PRSS21: variants seen among roughly 807,000 people sequenced by gnomAD.
PRSS21 encodes the protein testisin.
In PRSS21, 40 loss-of-function variants were observed where a neutral mutation model predicts 31.1. That is an observed-to-expected ratio of 1.29 (90% CI 1.00 to 1.68). The LOEUF is 1.68. PRSS21 is among the 40% of genes most tolerant of loss of function. The probability of loss-of-function intolerance (pLI) is 0.00; values close to 1 mark genes in which losing one functional copy is unlikely to be tolerated. For synonymous variants in PRSS21, 186 were observed against 167.7 expected, an observed-to-expected ratio of 1.11 and a Z score of -0.84; for missense variants, 467 against 412.6, an observed-to-expected ratio of 1.13 and a Z score of -1.14.
intron 3 of PRSS21, 107 bp downstream of exon 3, chr16:2,818,073 T>C (rs1261584090): frequency 4.4e-6 from 6 of 1,369,604 alleles, no homozygotes; most frequent in Non-Finnish European, 2.0e-6. Flanking sequence ...GGCGTGAAAG[T>C]TGTGCGTGGA....
intron 3 of PRSS21, 89 bp from the exon 4 acceptor site, chr16:2,818,588 C>G (rs2069118271): frequency 1.5e-6 from 2 of 1,341,732 alleles, no homozygotes; most frequent in Admixed American, 1.9e-5. Flanking sequence ...AGCAACACCA[C>G]AGTTTCCCCT....
rs1156378432 is a variant in PRSS21 at position 2,818,826 on chromosome 16, A to G, written c.407A>G (p.Tyr136Cys). The G allele has an allele frequency of 1.2e-6, 2 of 1,613,734 alleles. No homozygotes were observed. Among genetic ancestry groups the G allele is most frequent in the Admixed American group, 1.7e-5 (1 of 60,020 alleles). The change falls in exon 4 of 6, where the codon TAT becomes TGT. Residue 136 changes from tyrosine to cysteine, a missense_variant. By Grantham distance (194) the Tyr-to-Cys change is radical. Transcript: ENST00000005995. ...LSPRYLGNSP[Y>C]DIALVKLSAP... The stretch of plus-strand genomic sequence containing the variant: ...CCTCGCTACCTGGGGAATTCACCCT[A>G]TGACATTGCCTTGGTGAAGCTGTCT...
chr16:2,818,853 C>T lies in PRSS21; in HGVS notation c.434C>T (p.Ala145Val). 6.2e-7 allele frequency: 1 copy of T among 1,613,944 alleles called. No individual in the cohort carries two copies. The highest frequency in any genetic ancestry group is 1.1e-5 in the South Asian group (1 of 91,080). ...PYDIALVKLS[A>V]PVTYTKHIQP... is the part of the protein sequence containing the mutation. Reference sequence around the variant, plus strand: ...GACATTGCCTTGGTGAAGCTGTCTGCACCTGTCACCTACACTAAACACATC... The same window carrying T: ...GACATTGCCTTGGTGAAGCTGTCTGTACCTGTCACCTACACTAAACACATC... The change falls in exon 4 of 6, where the codon GCA becomes GTA. Residue 145 changes from alanine to valine, a missense_variant. By Grantham distance (64) the Ala-to-Val change is moderately conservative. Coordinates refer to ENST00000005995, the MANE Select transcript of PRSS21 (RefSeq NM_006799.4).
At chr16:2,819,123 C>G (rs1447204907) in intron 4 of PRSS21, among the ~76,000 whole-genome samples, 154 bp downstream of exon 4, 2 of 152,212 alleles carry the variant, frequency 1.3e-5, no homozygotes, top group African/African-American at 4.8e-5. Flanking sequence ...ACCAAACACC[C>G]AGTTCTCTCC....
rs770255285 is a variant in PRSS21, at chr16:2,818,834, G to A, written c.415G>A (p.Ala139Thr). The A allele has an allele frequency of 5.0e-6, 8 of 1,613,690 alleles. No individual in the cohort carries two copies. Among genetic ancestry groups the A allele is most frequent in the Non-Finnish European group, 1.7e-6 (2 of 1,179,714 alleles). Reference sequence around the variant, plus strand: ...CCTGGGGAATTCACCCTATGACATTGCCTTGGTGAAGCTGTCTGCACCTGT... The same window carrying A: ...CCTGGGGAATTCACCCTATGACATTACCTTGGTGAAGCTGTCTGCACCTGT... ...RYLGNSPYDI[A>T]LVKLSAPVTY... Residue 139 changes from alanine to threonine, a missense_variant, in exon 4 of 6, where the codon GCC (alanine) becomes ACC (threonine). Ala to Thr is a moderately conservative substitution (Grantham distance 58). Transcript: ENST00000005995.
chr16:2,818,789 A>C lies in PRSS21; in HGVS notation c.370A>C (p.Ile124Leu), dbSNP rs753789399. Residue 124 changes from isoleucine (I) to leucine (L), a missense_variant, in exon 4 of 6, where the codon ATC becomes CTC. By Grantham distance (5) the Ile-to-Leu change is conservative (BLOSUM62 2). Transcript: ENST00000005995. ...AYYTRYFVSN[I>L]YLSPRYLGNS... ...CTACACCCGTTACTTCGTATCGAAT[A>C]TCTATCTGAGCCCTCGCTACCTGGG... is the stretch of plus-strand genomic sequence containing the variant. 1.5e-5 allele frequency: 25 copies of C among 1,613,424 alleles called. No individual in the cohort carries two copies. The highest frequency in any genetic ancestry group is 2.0e-5 in the Non-Finnish European group (23 of 1,179,468).
chr16:2,821,175 C>A, intron 5 of PRSS21, 66 bp downstream of exon 5: 1 of 1,593,030 alleles, frequency 6.3e-7, no homozygotes, highest in Non-Finnish European at 8.6e-7. Flanking sequence ...TTATTTGACC[C>A]TCATGCCAAC....
chr16:2,817,484 G>C lies in PRSS21; in HGVS notation c.91+28G>C. 6.5e-7 allele frequency: 1 copy of C among 1,537,450 alleles called. No homozygotes were observed. Among genetic ancestry groups the C allele is most frequent in the Non-Finnish European group, 8.7e-7 (1 of 1,147,968 alleles). On this transcript the variant is annotated intron_variant, in intron 2 of 5. Coordinates refer to ENST00000005995, the MANE Select transcript of PRSS21 (RefSeq NM_006799.4). The surrounding 1 kb of genome is among the most constrained non-coding windows in gnomAD (Gnocchi z 4.2). ...AGGGCGCCCAGGACGCGCGATTCCT[G>C]CCAGGGCCGTTGGGCCGAGGTGGAC...
chr16:2,817,333 G>T lies in PRSS21; in HGVS notation c.64+1G>T. On this transcript the variant is annotated splice_donor_variant, in intron 1 of 5. Coordinates refer to ENST00000005995, the MANE Select transcript of PRSS21 (RefSeq NM_006799.4). LOFTEE classifies it high-confidence loss of function. This position sits in a 1 kb window ranked among gnomAD's most constrained non-coding sequence, Gnocchi z 4.2. Reference sequence around the variant, plus strand: ...GCTCGGGCTGGACTCAGGAAGCCGGGTGAGCTCGGGGCGCTGCTGGCGGGA... The same window carrying T: ...GCTCGGGCTGGACTCAGGAAGCCGGTTGAGCTCGGGGCGCTGCTGGCGGGA... 2 of 1,555,326 alleles carry T rather than the reference G, an allele frequency of 1.3e-6. No individual in the cohort carries two copies. The highest frequency in any genetic ancestry group is 2.3e-5 in the South Asian group (2 of 86,362).
At position 2,821,560 on chromosome 16, in the gene PRSS21, CT is replaced by C. The variant is rs760493970; in HGVS notation, c.905del (p.Phe302SerfsTer17). ...AGCCAGACCCCTCCTGGCCGCTACT[CT>C]TTTTCCCTCTTCTCTGGGCTCTCCC... is the stretch of plus-strand genomic sequence containing the variant. ...SQPDPSWPLL[F>X]FPLLWALPLL... On this transcript the variant is annotated frameshift_variant, in exon 6 of 6. Coordinates refer to ENST00000005995, the MANE Select transcript of PRSS21 (RefSeq NM_006799.4). LOFTEE classifies it low-confidence loss of function (END_TRUNC). 6.2e-7 allele frequency: 1 copy of C among 1,614,094 alleles called. No homozygotes were observed. The highest frequency in any genetic ancestry group is 2.2e-5 in the East Asian group (1 of 44,892).
intron 4 of PRSS21, among the ~76,000 whole-genome samples, chr16:2,819,404 C>A (rs1375857776): frequency 2.6e-5 from 4 of 152,218 alleles, no homozygotes. Flanking sequence ...CCAGAAACTT[C>A]CAAGCCATGC....
chr16:2,818,139 C>T (rs1596314220), intron 3 of PRSS21, among the ~76,000 whole-genome samples, 173 bp downstream of exon 3: 1 of 152,182 alleles, frequency 6.6e-6, no homozygotes, highest in Non-Finnish European at 1.5e-5. Context: ...TACACCCACT[C>T]CAGTTCCCTT....
In PRSS21 at chr16:2,821,374, A is replaced by G. The variant is rs1567276303; in HGVS notation, c.714A>G (p.Ser238=). ...GCCCCGCTGCTCCCCAGGGTGACTCAGGTGGACCCTTGGCCTGTAACAAGA... is the reference window on the plus strand; with the variant it reads ...GCCCCGCTGCTCCCCAGGGTGACTCGGGTGGACCCTTGGCCTGTAACAAGA... ...QGGKDACFGD[S]GGPLACNKNG... Residue 238 remains serine (S), a synonymous_variant, in exon 6 of 6, where the codon TCA becomes TCG. Coordinates refer to ENST00000005995, the MANE Select transcript of PRSS21 (RefSeq NM_006799.4). 6.2e-7 allele frequency: 1 copy of G among 1,614,114 alleles called. No individual in the cohort carries two copies. The highest frequency in any genetic ancestry group is 1.7e-5 in the Admixed American group (1 of 60,006).
At position 2,817,308 on chromosome 16, in the gene PRSS21, G is replaced by T; in HGVS notation, c.40G>T (p.Ala14Ser). 1.3e-6 allele frequency: 2 copies of T among 1,543,168 alleles called. No homozygotes were observed. Among genetic ancestry groups the T allele is most frequent in the Non-Finnish European group, 8.7e-7 (1 of 1,148,110 alleles). The change falls in exon 1 of 6, where the codon GCT becomes TCT. Residue 14 changes from alanine to serine, a missense_variant. Ala to Ser is a moderately conservative substitution (Grantham distance 99). Coordinates refer to ENST00000005995, the MANE Select transcript of PRSS21 (RefSeq NM_006799.4). This position sits in a 1 kb window ranked among gnomAD's most constrained non-coding sequence, Gnocchi z 4.2. ...GGCGCTGCTGCTGGCGCTGCTGCTG[G>T]CTCGGGCTGGACTCAGGAAGCCGGG... ...RGALLLALLL[A>S]RAGLRKPESQ... is the part of the protein sequence containing the mutation.
Position 2,817,237 on chromosome 16 carries a change from A to G in PRSS21, c.-32A>G, listed in dbSNP as rs779395044. The G allele has an allele frequency of 3.4e-6, 5 of 1,473,818 alleles. No homozygotes were observed. In the South Asian group the frequency reaches 6.6e-5, roughly 19 times the overall value. 91.3% of individuals were successfully genotyped at this position (1,473,818 alleles called of 1,614,324 possible). On this transcript the variant is annotated 5_prime_UTR_variant, in exon 1 of 6. Coordinates refer to ENST00000005995, the MANE Select transcript of PRSS21 (RefSeq NM_006799.4). This position sits in a 1 kb window ranked among gnomAD's most constrained non-coding sequence, Gnocchi z 4.2. ...CCCCGGGCCCGGCGCGAGAGGAGGC[A>G]GAGGGGGCGTCAGGCCGCGGGAGAG...
rs1361783264 is a variant in PRSS21, at chr16:2,817,833, A to G, written c.124A>G (p.Ile42Val). ...CGGCCGACGGGTCATCACGTCGCGC[A>G]TCGTGGGTGGAGAGGACGCCGAACT... ...PCGRRVITSR[I>V]VGGEDAELGR... The change falls in exon 3 of 6, where the codon ATC (isoleucine) becomes GTC (valine). Residue 42 changes from isoleucine to valine, a missense_variant. Coordinates refer to ENST00000005995, the MANE Select transcript of PRSS21 (RefSeq NM_006799.4). This position sits in a 1 kb window ranked among gnomAD's most constrained non-coding sequence, Gnocchi z 4.2. 1.3e-6 allele frequency: 2 copies of G among 1,551,102 alleles called. No individual in the cohort carries two copies. The highest frequency in any genetic ancestry group is 2.0e-5 in the Admixed American group (1 of 51,126).
Position 2,817,930 on chromosome 16 carries a change from A to G in PRSS21, c.221A>G (p.His74Arg). The change falls in exon 3 of 6, where the codon CAC (histidine) becomes CGC (arginine). Residue 74 changes from histidine to arginine, a missense_variant. Transcript: ENST00000005995. The surrounding 1 kb of genome is among the most constrained non-coding windows in gnomAD (Gnocchi z 4.2). ...GTATGCGGAGTGAGCCTGCTCAGCC[A>G]CCGCTGGGCACTCACGGCGGCGCAC... Reference protein sequence around the residue: ...SHVCGVSLLSHRWALTAAHCF... With the variant: ...SHVCGVSLLSRRWALTAAHCF... 1 of 1,549,442 alleles carries G rather than the reference A, an allele frequency of 6.5e-7. No homozygotes were observed. Among genetic ancestry groups the G allele is most frequent in the Non-Finnish European group, 8.7e-7 (1 of 1,146,858 alleles).
rs897042179 is a variant in PRSS21 at position 2,820,870 on chromosome 16, G to A, written c.551-85G>A. On this transcript the variant is annotated intron_variant, in intron 4 of 5. Coordinates refer to ENST00000005995, the MANE Select transcript of PRSS21 (RefSeq NM_006799.4). ...CTGCCAGGCACAGTGGGTGCCCCAG[G>A]GCCCCCACCCCCGCAGCCTATGCCA... The A allele has an allele frequency of 8.4e-6, 12 of 1,435,296 alleles. No individual in the cohort carries two copies. The Admixed American group carries it at 1.8e-4, about 22-fold the overall frequency. 88.9% of individuals were successfully genotyped at this position (1,435,296 alleles called of 1,614,324 possible).
chr16:2,817,401 C>A lies in PRSS21; in HGVS notation c.65-29C>A. 1 of 1,594,924 alleles carries A rather than the reference C, an allele frequency of 6.3e-7. No individual in the cohort carries two copies. The stretch of plus-strand genomic sequence containing the variant: ...GGTGGGGAGGACGGGAGGTGGAGGC[C>A]GCGGGGAGTCACTTCTTGTCTCCCG... On this transcript the variant is annotated intron_variant, in intron 1 of 5. Transcript: ENST00000005995. The surrounding 1 kb of genome is among the most constrained non-coding windows in gnomAD (Gnocchi z 4.2).
Sources: gnomAD v4.1 joint callset for allele counts (sites outside exome capture counted in the v4.1 genomes callset) on GRCh38, gnomAD v4.1.1 for gene constraint, Gnocchi (gnomAD v3.1) non-coding constraint, MANE v1.5 for transcripts, NCBI Gene and HGNC (gene_info 2026-07-23, HGNC 2026-07-21) for gene names.